Variants in NSL1 observed in about 807,000 individuals in gnomAD.
NSL1 encodes NSL1 component of MIS12 kinetochore complex.
A neutral mutation model predicts 25.4 loss-of-function variants in NSL1; 11 were observed. The ratio of observed to expected loss-of-function variants is 0.43; its 90% CI spans 0.27 to 0.72. The LOEUF (loss-of-function observed/expected upper bound fraction) is 0.72. Ranked by LOEUF, NSL1 falls within the 30% of genes least tolerant of loss-of-function variation. NSL1 has a pLI of 0.19. For missense variants in NSL1, 330 were observed against 342.7 expected (o/e 0.96, Z 0.29); for synonymous variants, 118 against 120.6 (o/e 0.98, Z 0.14).
intron 4 of NSL1, among the ~76,000 whole-genome samples, chr1:212,761,971 T>TAAAAAAA: frequency 9.5e-6 from 1 of 105,694 alleles, no homozygotes. Flanking sequence ...GCTGATGAGC[T>TAAAAAAA]AAAAAAAAAA....
chr1:212,784,462 A>T lies in NSL1; in HGVS notation c.345T>A (p.Phe115Leu), dbSNP rs961420064. 14 of 1,580,528 alleles carry T rather than the reference A, an allele frequency of 8.9e-6. No individual in the cohort carries two copies. Among genetic ancestry groups the T allele is most frequent in the Admixed American group, 3.4e-5 (2 of 59,130 alleles). Residue 115 changes from phenylalanine (F) to leucine (L), a missense_variant, in exon 3 of 6, where the codon TTT becomes TTA. Coordinates refer to ENST00000366977, the MANE Select transcript of NSL1 (RefSeq NM_015471.4). ...TGGCTATATCTACTATGATTTCATCAAACTGATCTTCAAGTACTTTGATGT... is the reference window on the plus strand; with the variant it reads ...TGGCTATATCTACTATGATTTCATCTAACTGATCTTCAAGTACTTTGATGT... ...DSDIKVLEDQ[F>L]DEIIVDIATK...
intron 4 of NSL1, among the ~76,000 whole-genome samples, chr1:212,767,715 A>G (rs192926536): frequency 6.6e-6 from 1 of 152,336 alleles, no homozygotes; most frequent in African/African-American, 2.4e-5. Flanking sequence ...AACTCAAACA[A>G]ATCAGCAAGA....
Position 212,738,315 on chromosome 1 carries a change from T to C in NSL1, c.*93A>G. The C allele has an allele frequency of 6.6e-7, 1 of 1,509,952 alleles. No homozygotes were observed. Among genetic ancestry groups the C allele is most frequent in the Non-Finnish European group, 8.8e-7 (1 of 1,135,024 alleles). 93.5% of individuals were successfully genotyped at this position (1,509,952 alleles called of 1,614,324 possible). ...AATCACTAGTAAAAGAGTTATTTCTTATTTCAAATGAAGTCTTATCTAGGT... is the reference window on the plus strand; with the variant it reads ...AATCACTAGTAAAAGAGTTATTTCTCATTTCAAATGAAGTCTTATCTAGGT... On this transcript the variant is annotated 3_prime_UTR_variant, in exon 6 of 6. Transcript: ENST00000366977.
chr1:212,753,630 A>T (rs1478812208), intron 4 of NSL1, among the ~76,000 whole-genome samples: 1 of 152,222 alleles, frequency 6.6e-6, no homozygotes, highest in African/African-American at 2.4e-5. Flanking sequence ...CAGTTCTGTC[A>T]TACTGTAGCC....
chr1:212,773,347 A>G (rs1160663954), intron 4 of NSL1, among the ~76,000 whole-genome samples: 3 of 152,096 alleles, frequency 2.0e-5, no homozygotes, highest in Non-Finnish European at 4.4e-5. Context: ...AAAGAAAAAA[A>G]AATCCTGTTA....
rs1266362166 is a variant in NSL1, at chr1:212,727,124, C to A, written c.*11284G>T. 2 of 1,568,120 alleles carry A rather than the reference C, an allele frequency of 1.3e-6. No individual in the cohort carries two copies. Among genetic ancestry groups the A allele is most frequent in the Non-Finnish European group, 1.7e-6 (2 of 1,156,898 alleles). ...ACCAGAGGCAGAAGGGATGAAGGTT[C>A]CCCGATCCCCTTCTCTCCTAAACTG... On this transcript the variant is annotated 3_prime_UTR_variant, in exon 6 of 6. Transcript: ENST00000366977.
In NSL1 at chr1:212,736,489, A is replaced by C; in HGVS notation, c.*1919T>G. ...CTTACTAGTTCTTGGCCTATGCAGAAATGCAACTTCTCCTCTTACACAGTA... is the reference window on the plus strand; with the variant it reads ...CTTACTAGTTCTTGGCCTATGCAGACATGCAACTTCTCCTCTTACACAGTA... On this transcript the variant is annotated 3_prime_UTR_variant, in exon 6 of 6. Transcript: ENST00000366977. 1.0e-6 allele frequency: 1 copy of C among 985,346 alleles called. No individual in the cohort carries two copies. Among genetic ancestry groups the C allele is most frequent in the Non-Finnish European group, 1.2e-6 (1 of 829,828 alleles). 61.0% of individuals were successfully genotyped at this position (985,346 alleles called of 1,614,324 possible). A position where few individuals can be genotyped will look rare whatever the true frequency, so the allele number is the denominator to read the frequency against.
chr1:212,731,334 T>C lies in NSL1; in HGVS notation c.*7074A>G. 1.0e-6 allele frequency: 1 copy of C among 981,762 alleles called. No individual in the cohort carries two copies. The highest frequency in any genetic ancestry group is 1.2e-6 in the Non-Finnish European group (1 of 826,702). The allele number at this position is 981,762 out of a possible 1,614,324, so 60.8% of individuals were successfully genotyped here. On this transcript the variant is annotated 3_prime_UTR_variant, in exon 6 of 6. Transcript: ENST00000366977. Reference sequence around the variant, plus strand: ...ACTTTGGGAAGCTGAGGCAGGAGGATGGCTTGAGCCCAGGAATTCAAGACC... The same window carrying C: ...ACTTTGGGAAGCTGAGGCAGGAGGACGGCTTGAGCCCAGGAATTCAAGACC...
rs1571910147 is a variant in NSL1, at chr1:212,776,566, A to C, written c.499+5806T>G. Among the ~76,000 whole-genome samples the C allele has an allele frequency of 2.0e-5, 3 of 151,512 alleles. No individual in the cohort carries two copies. In the East Asian group the frequency reaches 5.8e-4, roughly 29 times the overall value. The stretch of plus-strand genomic sequence containing the variant: ...CGAGACTATGTCTCAATAAAATAAA[A>C]ATTAAAATTAAATAAAATTTATAGG... On this transcript the variant is annotated intron_variant, in intron 4 of 5. Transcript: ENST00000366977.
chr1:212,789,464 A>G (rs111604151), intron 1 of NSL1, among the ~76,000 whole-genome samples: 3,467 of 145,080 alleles, frequency 0.024, 62 homozygotes, highest in South Asian at 0.043. Context: ...CGCCCGCCTC[A>G]GCCTCCCAAA....
intron 2 of NSL1, 27 bp downstream of exon 2, chr1:212,787,532 T>G: frequency 5.2e-6 from 8 of 1,532,872 alleles, no homozygotes; most frequent in South Asian, 1.2e-5. Flanking sequence ...ACCCAGAAAT[T>G]AATAATGGAA....
intron 4 of NSL1, among the ~76,000 whole-genome samples, chr1:212,745,049 T>C (rs1270933730): frequency 1.3e-5 from 2 of 151,674 alleles, no homozygotes; most frequent in Non-Finnish European, 2.9e-5. Context: ...GGCAGGAGAA[T>C]TGCTTGAACC....
intron 4 of NSL1, among the ~76,000 whole-genome samples, chr1:212,761,991 A>T (rs1205289489): frequency 6.6e-6 from 1 of 151,614 alleles, no homozygotes; most frequent in Non-Finnish European, 1.5e-5. Flanking sequence ...AAAAAAAAAA[A>T]AAATCATGTT....
chr1:212,788,982 T>A (rs1188870944), intron 1 of NSL1, among the ~76,000 whole-genome samples: 1 of 152,168 alleles, frequency 6.6e-6, no homozygotes, highest in Non-Finnish European at 1.5e-5. Context: ...TCTCCCCAAG[T>A]ACTCTCCAAA....
At chr1:212,779,481 G>A in intron 4 of NSL1, among the ~76,000 whole-genome samples, 1 of 126,616 alleles carries the variant, frequency 7.9e-6, no homozygotes, top group Non-Finnish European at 1.7e-5. Flanking sequence ...CCTCTGCACG[G>A]CCAGCCGCCC....
rs905170858 is a variant in NSL1 at position 212,734,636 on chromosome 1, G to T, written c.*3772C>A. ...CACAGGATGTATTCTCTTGTGCCTGGCTTTGCTTCTTTTATTCAATATAGT... is the reference window on the plus strand; with the variant it reads ...CACAGGATGTATTCTCTTGTGCCTGTCTTTGCTTCTTTTATTCAATATAGT... On this transcript the variant is annotated 3_prime_UTR_variant, in exon 6 of 6. Coordinates refer to ENST00000366977, the MANE Select transcript of NSL1 (RefSeq NM_015471.4). 6.6e-6 allele frequency among the ~76,000 whole-genome samples: 1 copy of T among 152,078 alleles called. No homozygotes were observed. The highest frequency in any genetic ancestry group is 1.9e-4 in the East Asian group (1 of 5,194).
chr1:212,754,691 C>T (rs185918971), intron 4 of NSL1, among the ~76,000 whole-genome samples: 5 of 145,052 alleles, frequency 3.4e-5, no homozygotes, highest in South Asian at 2.2e-4. Flanking sequence ...GCAGGAGAAT[C>T]ACTTGAACCC....
intron 3 of NSL1, 67 bp from the exon 4 acceptor site, chr1:212,782,493 A>T: frequency 9.3e-7 from 1 of 1,080,452 alleles, no homozygotes; most frequent in Non-Finnish European, 1.4e-6. Flanking sequence ...TCTTTCAGCT[A>T]ATATGGGAGA....
intron 3 of NSL1, among the ~76,000 whole-genome samples, chr1:212,783,218 A>G (rs1394745630): frequency 6.6e-6 from 1 of 152,086 alleles, no homozygotes; most frequent in Non-Finnish European, 1.5e-5. Flanking sequence ...ATTTTGCATT[A>G]CTTTTTAAAC....
Sources: allele counts gnomAD v4.1 joint callset (sites outside exome capture counted in the v4.1 genomes callset), GRCh38; gene constraint gnomAD v4.1.1; transcripts MANE v1.5; gene names NCBI Gene and HGNC (gene_info 2026-07-23, HGNC 2026-07-21).